The following CEP170 variants were observed in gnomAD, a reference collection of about 807,000 sequenced individuals.
The protein encoded by CEP170 is centrosomal protein of 170 kDa.
A neutral mutation model predicts 151.9 loss-of-function variants in CEP170; 21 were observed. That is an observed-to-expected ratio of 0.14 (90% CI 0.10 to 0.20). CEP170 has a LOEUF of 0.20. CEP170 is among the 10% of genes least tolerant of loss of function. The probability of loss-of-function intolerance (pLI) is 1.00; values close to 1 mark genes in which losing one functional copy is unlikely to be tolerated. For synonymous variants in CEP170, 356 were observed against 648.8 expected, an observed-to-expected ratio of 0.55 and a Z score of 6.86; for missense variants, 964 against 1,892.9, an observed-to-expected ratio of 0.51 and a Z score of 9.11.
In CEP170 at chr1:243,221,787, A is replaced by G. The variant is rs762583781; in HGVS notation, c.132T>C (p.Ala44=). ...LQSRSVDKQH[A]VINYDASTDE... is the part of the protein sequence containing the mutation. ...CCGTAGACGCATCATAGTTGATGAC[A>G]GCGTGTTGCTTATCCACACTACGAG... The change falls in exon 3 of 20, where the codon GCT becomes GCC. Residue 44 remains alanine (A), a synonymous_variant. Coordinates refer to ENST00000366542, the MANE Select transcript of CEP170 (RefSeq NM_014812.3). The G allele has an allele frequency of 9.9e-6, 16 of 1,612,666 alleles. No individual in the cohort carries two copies. Among genetic ancestry groups the G allele is most frequent in the African/African-American group, 2.7e-5 (2 of 74,908 alleles).
chr1:243,186,496 T>C, intron 8 of CEP170, 74 bp from the exon 9 acceptor site: 2 of 1,465,040 alleles, frequency 1.4e-6, no homozygotes, highest in South Asian at 2.8e-5. Flanking sequence ...TATACAAAAG[T>C]GCTATTTGTT....
intron 1 of CEP170, among the ~76,000 whole-genome samples, chr1:243,247,155 C>G (rs1479229097): frequency 6.6e-6 from 1 of 152,000 alleles, no homozygotes; most frequent in Non-Finnish European, 1.5e-5. Flanking sequence ...TGTGACAAAC[C>G]ATTACTCAGT....
At chr1:243,176,469 C>T (rs2059262739) in intron 10 of CEP170, among the ~76,000 whole-genome samples, 1 of 66,012 alleles carries the variant, frequency 1.5e-5, no homozygotes, top group African/African-American at 4.8e-5. Flanking sequence ...TACAGTTCCC[C>T]CGATCCGAGT....
intron 1 of CEP170, among the ~76,000 whole-genome samples, chr1:243,251,256 A>AGTAGTGG (rs1004092418): frequency 3.3e-5 from 5 of 152,208 alleles, no homozygotes; most frequent in Non-Finnish European, 7.4e-5. Flanking sequence ...CAGAGATATT[A>AGTAGTGG]GTAGTGGGTG....
intron 4 of CEP170, among the ~76,000 whole-genome samples, chr1:243,206,457 T>C (rs2061429475): frequency 6.6e-6 from 1 of 152,358 alleles, no homozygotes; most frequent in Admixed American, 6.5e-5. Flanking sequence ...ATAACTAAGA[T>C]GAAATACTTT....
rs368197040 is a variant in CEP170 at position 243,217,312 on chromosome 1, C to T, written c.195+4412G>A. ...CTGGTAGGCAAAAGATAACTAGATA[C>T]AGTATTGAAGAGGAGTGCTACAGTT... On this transcript the variant is annotated intron_variant, in intron 3 of 19. Transcript: ENST00000366542. Among the ~76,000 whole-genome samples the T allele has an allele frequency of 1.1e-4, 17 of 152,242 alleles. No homozygotes were observed. In the East Asian group the frequency reaches 2.7e-3, roughly 24 times the overall value.
chr1:243,191,589 C>T, intron 7 of CEP170, 95 bp from the exon 8 acceptor site: 1 of 908,092 alleles, frequency 1.1e-6, no homozygotes, highest in Non-Finnish European at 1.6e-6. Flanking sequence ...CCGTGAGAAC[C>T]AGAAGGCAGA....
intron 1 of CEP170, among the ~76,000 whole-genome samples, chr1:243,227,285 C>A (rs1182333987): frequency 2.0e-5 from 3 of 151,966 alleles, no homozygotes; most frequent in African/African-American, 7.2e-5. Context: ...AAAATCCTGT[C>A]ACTTAAATTC....
In CEP170 at chr1:243,169,317, G is replaced by A. The variant is rs12039211; in HGVS notation, c.1843+311C>T. On this transcript the variant is annotated intron_variant, in intron 12 of 19. Coordinates refer to ENST00000366542, the MANE Select transcript of CEP170 (RefSeq NM_014812.3). ...CTGTCCTTAGGAAGTCTCAACTTAC[G>A]AAGTCCACAAAATTTCTCAAAAAAG... The A allele has an allele frequency of 2.2e-3, 539 of 247,550 alleles. 5 individuals carry two copies. The East Asian group carries it at 0.031, about 14-fold the overall frequency. The allele number at this position is 247,550 out of a possible 1,614,324, so 15.3% of individuals were successfully genotyped here. A position where few individuals can be genotyped will look rare whatever the true frequency, so the allele number is the denominator to read the frequency against.
At chr1:243,159,802 T>TG (rs58250126) in intron 13 of CEP170, among the ~76,000 whole-genome samples, 97 of 150,964 alleles carry the variant, frequency 6.4e-4, no homozygotes, top group South Asian at 1.7e-3. Flanking sequence ...TGTGTGTGTG[T>TG]TTTTGAGATG....
intron 18 of CEP170, among the ~76,000 whole-genome samples, chr1:243,129,127 G>C (rs1363355563): frequency 6.6e-6 from 1 of 152,032 alleles, no homozygotes; most frequent in Non-Finnish European, 1.5e-5. Flanking sequence ...ATTATTACAA[G>C]AACAATCTAT....
chr1:243,217,513 C>T (rs1193323377), intron 3 of CEP170, among the ~76,000 whole-genome samples: 1 of 152,092 alleles, frequency 6.6e-6, no homozygotes, highest in East Asian at 1.9e-4. Flanking sequence ...TTTCAGAGAT[C>T]GAGAAACATA....
chr1:243,229,424 G>C (rs1484624904), intron 1 of CEP170, among the ~76,000 whole-genome samples: 1 of 151,916 alleles, frequency 6.6e-6, no homozygotes, highest in Middle Eastern at 3.4e-3. Flanking sequence ...CTTGTAAGGA[G>C]GGAAAAAAAA....
chr1:243,142,210 A>C (rs2055926700), intron 15 of CEP170, 106 bp downstream of exon 15: 1 of 1,578,714 alleles, frequency 6.3e-7, no homozygotes, highest in African/African-American at 1.4e-5. Flanking sequence ...AGCTTCATGC[A>C]AACAGGGAGG....
intron 1 of CEP170, chr1:243,254,222 A>AT (rs2066288881): frequency 6.7e-6 from 1 of 148,866 alleles, no homozygotes; most frequent in African/African-American, 2.5e-5. Context: ...AAATAAATAA[A>AT]ACTCTACGAA....
intron 17 of CEP170, among the ~76,000 whole-genome samples, chr1:243,133,669 G>C (rs1030005741): frequency 1.3e-5 from 2 of 152,080 alleles, no homozygotes; most frequent in Admixed American, 6.6e-5. Context: ...GGGAATGGTG[G>C]ACTTCATTTG....
At chr1:243,205,342 A>G (rs2061335850) in intron 4 of CEP170, among the ~76,000 whole-genome samples, 1 of 152,236 alleles carries the variant, frequency 6.6e-6, no homozygotes, top group Non-Finnish European at 1.5e-5. Context: ...TGGGTAGAGC[A>G]CAAGTCAGCA....
At chr1:243,159,794 TG>T (rs2148495420) in intron 13 of CEP170, among the ~76,000 whole-genome samples, 1 of 151,558 alleles carries the variant, frequency 6.6e-6, no homozygotes, top group African/African-American at 2.4e-5. Context: ...TGTGTGTGTG[TG>T]TGTGTGTTTT....
chr1:243,147,808 T>C (rs1165595731), intron 14 of CEP170, among the ~76,000 whole-genome samples: 1 of 152,204 alleles, frequency 6.6e-6, no homozygotes, highest in East Asian at 1.9e-4. Flanking sequence ...TTTTAGAGTT[T>C]GACTTAAAAA....
Sources: gnomAD v4.1 joint callset for allele counts (sites outside exome capture counted in the v4.1 genomes callset) on GRCh38, gnomAD v4.1.1 for gene constraint, MANE v1.5 for transcripts, NCBI Gene and HGNC (gene_info 2026-07-23, HGNC 2026-07-21) for gene names.